GAN: variants seen among roughly 807,000 people sequenced by gnomAD.
The protein encoded by GAN is gigaxonin, also known as epididymis secretory sperm binding protein.
Under a neutral mutation model 71.3 loss-of-function variants are expected in GAN, and 48 were observed. That is an observed-to-expected ratio of 0.67 (90% CI 0.53 to 0.86). The LOEUF (loss-of-function observed/expected upper bound fraction) is 0.86. GAN is among the 40% of genes least tolerant of loss of function. The pLI is 0.00. For missense variants in GAN, 928 were observed against 770.1 expected (o/e 1.21, Z -2.43); for synonymous variants, 386 against 276.8 (o/e 1.39, Z -3.92).
chr16:81,354,551 T>C lies in GAN; in HGVS notation c.429T>C (p.His143=). Reference sequence around the variant, plus strand: ...TTGGTATCCGTGACTTTGCACTACATTACTGCCTCCATCACGTTCATTACC... The same window carrying C: ...TTGGTATCCGTGACTTTGCACTACACTACTGCCTCCATCACGTTCATTACC... ...NCIGIRDFAL[H]YCLHHVHYLA... Residue 143 remains histidine (H), a synonymous_variant, in exon 3 of 11, where the codon CAT becomes CAC. Coordinates refer to ENST00000648994, the MANE Select transcript of GAN (RefSeq NM_022041.4). The C allele has an allele frequency of 6.2e-7, 1 of 1,614,124 alleles. No individual in the cohort carries two copies. Among genetic ancestry groups the C allele is most frequent in the Non-Finnish European group, 8.5e-7 (1 of 1,179,974 alleles).
chr16:81,365,528 T>TC, intron 9 of GAN, 50 bp downstream of exon 9: 1 of 1,572,810 alleles, frequency 6.4e-7, no homozygotes, highest in Non-Finnish European at 8.7e-7. Context: ...CTTTGTGCTT[T>TC]CAGTCGTATT....
At chr16:81,364,726 C>T (rs947394618) in intron 7 of GAN, among the ~76,000 whole-genome samples, 1 of 152,156 alleles carries the variant, frequency 6.6e-6, no homozygotes, top group African/African-American at 2.4e-5. Context: ...TTTTGAACTT[C>T]TTTCAGTTAG....
chr16:81,356,732 G>T (rs1477990485), intron 3 of GAN, 53 bp from the exon 4 acceptor site: 7 of 1,182,506 alleles, frequency 5.9e-6, no homozygotes, highest in Non-Finnish European at 7.6e-6. Context: ...TTCTAAAAAT[G>T]ATGTGTTGCA....
At chr16:81,320,763 G>C in intron 1 of GAN, among the ~76,000 whole-genome samples, 1 of 152,098 alleles carries the variant, frequency 6.6e-6, no homozygotes, top group Non-Finnish European at 1.5e-5. Flanking sequence ...TTATGGTGAT[G>C]GAAAATAAGC....
intron 9 of GAN, among the ~76,000 whole-genome samples, chr16:81,368,723 C>A (rs993878481): frequency 6.6e-6 from 1 of 152,196 alleles, no homozygotes; most frequent in Non-Finnish European, 1.5e-5. Context: ...TTCCCTGCCC[C>A]GCTGCTACCC....
chr16:81,378,445 T>G lies in GAN; in HGVS notation c.*849T>G, dbSNP rs1290999716. ...TGAGGATATTAGTGAGTAGGAGATTTTATAAAAGAAAGACCTGAGTCAGAC... is the reference window on the plus strand; with the variant it reads ...TGAGGATATTAGTGAGTAGGAGATTGTATAAAAGAAAGACCTGAGTCAGAC... On this transcript the variant is annotated 3_prime_UTR_variant, in exon 11 of 11. Transcript: ENST00000648994. 1 of 152,164 alleles carries G rather than the reference T, an allele frequency of 6.6e-6. No homozygotes were observed. The highest frequency in any genetic ancestry group is 1.5e-5 in the Non-Finnish European group (1 of 68,034). The allele number at this position is 152,164 out of a possible 1,614,324, so 9.4% of individuals were successfully genotyped here.
At chr16:81,317,676 A>G (rs1350277052) in intron 1 of GAN, among the ~76,000 whole-genome samples, 1 of 152,236 alleles carries the variant, frequency 6.6e-6, no homozygotes, top group Non-Finnish European at 1.5e-5. Flanking sequence ...ACTCCAAATT[A>G]ATTACGGCTA....
At chr16:81,347,778 A>G (rs537953177) in intron 1 of GAN, among the ~76,000 whole-genome samples, 8 of 152,210 alleles carry the variant, frequency 5.3e-5, no homozygotes, top group Middle Eastern at 6.8e-3. Flanking sequence ...TCCTTTCCAT[A>G]TAGCCTATTT....
chr16:81,316,139 C>G (rs900705561), intron 1 of GAN, among the ~76,000 whole-genome samples: 7 of 152,136 alleles, frequency 4.6e-5, no homozygotes, highest in Non-Finnish European at 1.0e-4. Context: ...TCAGATCTTG[C>G]AGGAGACTAT....
intron 1 of GAN, among the ~76,000 whole-genome samples, chr16:81,320,057 C>A (rs1909175834): frequency 6.6e-6 from 1 of 152,118 alleles, no homozygotes; most frequent in Non-Finnish European, 1.5e-5. Context: ...TAAATCCAGG[C>A]CTGTAGAGTT....
intron 1 of GAN, among the ~76,000 whole-genome samples, chr16:81,346,395 G>A (rs377674801): frequency 0.035 from 1,930 of 54,708 alleles, 48 homozygotes; most frequent in African/African-American, 0.095. Flanking sequence ...TTAGGACTGG[G>A]CCATGGCCTT....
chr16:81,364,382 C>T (rs1910779573), intron 7 of GAN, among the ~76,000 whole-genome samples: 1 of 152,224 alleles, frequency 6.6e-6, no homozygotes, highest in Non-Finnish European at 1.5e-5. Flanking sequence ...CCTCCCACCT[C>T]AGCCTACTGA....
At chr16:81,340,518 AC>A (rs1909905802) in intron 1 of GAN, among the ~76,000 whole-genome samples, 1 of 151,872 alleles carries the variant, frequency 6.6e-6, no homozygotes, top group Admixed American at 6.6e-5. Context: ...CCTCCAGCAA[AC>A]CCCCACAGAC....
chr16:81,369,629 T>C (rs1217285434), intron 9 of GAN, among the ~76,000 whole-genome samples: 3 of 152,240 alleles, frequency 2.0e-5, no homozygotes, highest in Non-Finnish European at 4.4e-5. Flanking sequence ...TCTCACTCTG[T>C]TGCCCAGGCT....
At chr16:81,316,510 A>AGG (rs1909048214) in intron 1 of GAN, among the ~76,000 whole-genome samples, 1 of 151,494 alleles carries the variant, frequency 6.6e-6, no homozygotes, top group Admixed American at 6.6e-5. Context: ...GGGCGGCAGT[A>AGG]GGGTCTGGGG....
rs1904396957 is a variant in GAN, at chr16:81,386,241, T to A, written c.*8645T>A. The A allele has an allele frequency of 6.6e-6, 1 of 152,234 alleles. No homozygotes were observed. Among genetic ancestry groups the A allele is most frequent in the African/African-American group, 2.4e-5 (1 of 41,460 alleles). 9.4% of individuals were successfully genotyped at this position (152,234 alleles called of 1,614,324 possible). ...AATACTTAAAACTCTTTACTAAAGT[T>A]GAATTTTCCTTTTTTTTCATTGAAA... On this transcript the variant is annotated 3_prime_UTR_variant, in exon 11 of 11. Coordinates refer to ENST00000648994, the MANE Select transcript of GAN (RefSeq NM_022041.4).
intron 1 of GAN, among the ~76,000 whole-genome samples, chr16:81,345,009 A>G (rs147578906): frequency 9.9e-4 from 151 of 152,380 alleles, no homozygotes; most frequent in Non-Finnish European, 1.6e-3. Context: ...AATGCTCATC[A>G]TAACTGGCCA....
At chr16:81,315,366 C>A in intron 1 of GAN, 86 bp downstream of exon 1, 1 of 903,450 alleles carries the variant, frequency 1.1e-6, no homozygotes, top group African/African-American at 1.7e-5. Flanking sequence ...GCCCCCAGAC[C>A]CTGTCCCCTG....
intron 2 of GAN, among the ~76,000 whole-genome samples, chr16:81,353,842 G>C (rs572926113): frequency 6.6e-6 from 1 of 152,222 alleles, no homozygotes; most frequent in South Asian, 2.1e-4. Context: ...GTAGTTTTGA[G>C]ACCTAAGTGT....
Sources: gnomAD v4.1 joint callset for allele counts (sites outside exome capture counted in the v4.1 genomes callset) on GRCh38, gnomAD v4.1.1 for gene constraint, MANE v1.5 for transcripts, NCBI Gene and HGNC (gene_info 2026-07-23, HGNC 2026-07-21) for gene names.